The following ADAMTSL1 variants were observed in gnomAD, a reference collection of about 807,000 sequenced individuals.
The protein encoded by ADAMTSL1 is ADAMTS like 1.
A neutral mutation model predicts 201.8 loss-of-function variants in ADAMTSL1; 126 were observed. The observed-to-expected ratio is 0.62, with a 90% confidence interval of 0.54 to 0.72. ADAMTSL1 has a LOEUF of 0.72. Among genes scored for constraint, ADAMTSL1 ranks in the 30% least tolerant of loss-of-function variants. The probability of loss-of-function intolerance (pLI) is 0.00; values close to 1 mark genes in which losing one functional copy is unlikely to be tolerated. For missense variants in ADAMTSL1, 2,679 were observed against 2,277.8 expected, an observed-to-expected ratio of 1.18 and a Z score of -3.59; for synonymous variants, 1,121 against 903.4, an observed-to-expected ratio of 1.24 and a Z score of -4.32.
intron 20 of ADAMTSL1, 57 bp from the exon 21 acceptor site, chr9:18,817,052 T>C (rs1823903595): frequency 6.3e-7 from 1 of 1,584,770 alleles, no homozygotes; most frequent in African/African-American, 1.3e-5. Context: ...TTCAAAGGAG[T>C]GCCCCAATTT....
At chr9:18,808,300 T>C (rs989262716) in intron 20 of ADAMTSL1, among the ~76,000 whole-genome samples, 1 of 152,240 alleles carries the variant, frequency 6.6e-6, no homozygotes, top group African/African-American at 2.4e-5. Context: ...AACGTTTTTC[T>C]AATAGGTGTA....
intron 2 of ADAMTSL1, among the ~76,000 whole-genome samples, chr9:18,317,905 C>A (rs1442348548): frequency 1.3e-5 from 2 of 152,180 alleles, no homozygotes; most frequent in Non-Finnish European, 2.9e-5. Flanking sequence ...TTAGCCAGCT[C>A]TTTAAGAAGT....
chr9:18,765,527 C>T (rs1820307892), intron 16 of ADAMTSL1, among the ~76,000 whole-genome samples: 1 of 152,156 alleles, frequency 6.6e-6, no homozygotes, highest in African/African-American at 2.4e-5. Context: ...CCATATACTC[C>T]CAGAACTTAT....
chr9:18,809,520 T>G (rs891098802), intron 20 of ADAMTSL1, among the ~76,000 whole-genome samples: 7 of 152,206 alleles, frequency 4.6e-5, no homozygotes, highest in Admixed American at 4.6e-4. Context: ...CCGGGCATGG[T>G]GGCTCACTCC....
intron 4 of ADAMTSL1, among the ~76,000 whole-genome samples, chr9:18,587,636 C>T (rs937813412): frequency 2.0e-5 from 3 of 152,060 alleles, no homozygotes; most frequent in East Asian, 1.9e-4. Flanking sequence ...TTATTGTTCC[C>T]CTCCTGCTTC....
intron 1 of ADAMTSL1, among the ~76,000 whole-genome samples, chr9:18,126,140 G>A (rs1439566511): frequency 6.6e-6 from 1 of 152,124 alleles, no homozygotes. Flanking sequence ...CAAGATTCTG[G>A]TAAGTATTAA....
At chr9:18,620,298 C>A (rs1031879531) in intron 4 of ADAMTSL1, among the ~76,000 whole-genome samples, 1 of 151,986 alleles carries the variant, frequency 6.6e-6, no homozygotes, top group South Asian at 2.1e-4. Context: ...ACACTTATTG[C>A]GTGTGATGAT....
chr9:18,041,949 A>G (rs1448640653), intron 1 of ADAMTSL1, among the ~76,000 whole-genome samples: 1 of 152,146 alleles, frequency 6.6e-6, no homozygotes, highest in Non-Finnish European at 1.5e-5. Context: ...TCCTGAAATC[A>G]TATTAAAATA....
intron 14 of ADAMTSL1, among the ~76,000 whole-genome samples, chr9:18,709,025 A>G (rs1832395930): frequency 6.6e-6 from 1 of 152,234 alleles, no homozygotes; most frequent in African/African-American, 2.4e-5. Context: ...GTGTTTTTAT[A>G]TAACGTAAAT....
At position 18,048,753 on chromosome 9, in the gene ADAMTSL1, A is replaced by G. The variant is rs188238368; in HGVS notation, c.88-115109A>G. Among the ~76,000 whole-genome samples the G allele has an allele frequency of 2.2e-4, 33 of 152,318 alleles. No individual in the cohort carries two copies. In the East Asian group the frequency reaches 5.4e-3, roughly 25 times the overall value. Reference sequence around the variant, plus strand: ...TCCTTCGTCCTTACCAGCTTTGTTTATAATATCTTCCATCTTGCACATAGT... The same window carrying G: ...TCCTTCGTCCTTACCAGCTTTGTTTGTAATATCTTCCATCTTGCACATAGT... On this transcript the variant is annotated intron_variant, in intron 1 of 29. Coordinates refer to the ADAMTSL1 transcript ENST00000680146.
At chr9:18,669,229 A>G (rs147059501) in intron 9 of ADAMTSL1, among the ~76,000 whole-genome samples, 1 of 152,360 alleles carries the variant, frequency 6.6e-6, no homozygotes, top group Non-Finnish European at 1.5e-5. Flanking sequence ...ACTGACGTTT[A>G]CTCAAATCAA....
At chr9:18,589,577 G>C (rs145012494) in intron 4 of ADAMTSL1, among the ~76,000 whole-genome samples, 31 of 151,844 alleles carry the variant, frequency 2.0e-4, no homozygotes, top group African/African-American at 7.5e-4. Context: ...TTTTTCTTTT[G>C]ACTAATTGCT....
intron 2 of ADAMTSL1, among the ~76,000 whole-genome samples, chr9:18,400,040 C>T (rs895186007): frequency 7.0e-6 from 1 of 143,404 alleles, no homozygotes; most frequent in African/African-American, 2.6e-5. Context: ...CTTTACTTTC[C>T]AATAAAATGT....
intron 1 of ADAMTSL1, among the ~76,000 whole-genome samples, chr9:17,976,513 A>G (rs1189151279): frequency 6.6e-6 from 1 of 151,804 alleles, no homozygotes; most frequent in African/African-American, 2.4e-5. Flanking sequence ...TTTTCTCAAA[A>G]CAATTTTTTT....
chr9:18,196,402 A>C (rs1829182903), intron 2 of ADAMTSL1, among the ~76,000 whole-genome samples: 1 of 152,090 alleles, frequency 6.6e-6, no homozygotes, highest in South Asian at 2.1e-4. Context: ...AGAGATCTTA[A>C]TGGAATAAAT....
chr9:18,157,853 G>T (rs974416246), intron 1 of ADAMTSL1, among the ~76,000 whole-genome samples: 1 of 151,950 alleles, frequency 6.6e-6, no homozygotes, highest in Non-Finnish European at 1.5e-5. Flanking sequence ...TAATCAGCTT[G>T]CAGAGTTGGC....
intron 2 of ADAMTSL1, among the ~76,000 whole-genome samples, chr9:18,270,516 A>G (rs539969812): frequency 1.3e-5 from 2 of 152,336 alleles, no homozygotes; most frequent in African/African-American, 4.8e-5. Context: ...TAAAATGATA[A>G]TAATTGAATG....
intron 2 of ADAMTSL1, among the ~76,000 whole-genome samples, chr9:18,462,641 A>C (rs147154320): frequency 6.6e-6 from 1 of 152,102 alleles, no homozygotes; most frequent in Non-Finnish European, 1.5e-5. Context: ...TTTAATCAGT[A>C]GAAGAAGGAA....
intron 15 of ADAMTSL1, among the ~76,000 whole-genome samples, chr9:18,743,194 C>G (rs1818941643): frequency 6.6e-6 from 1 of 152,158 alleles, no homozygotes; most frequent in African/African-American, 2.4e-5. Flanking sequence ...TGTAGGTGAA[C>G]AGGCACATTA....
Sources: allele counts gnomAD v4.1 joint callset (sites outside exome capture counted in the v4.1 genomes callset), GRCh38; gene constraint gnomAD v4.1.1; transcripts MANE v1.5; gene names NCBI Gene and HGNC (gene_info 2026-07-23, HGNC 2026-07-21).